The following POU2F1 variants were observed in gnomAD, a reference collection of about 807,000 sequenced individuals.
The protein encoded by POU2F1 is POU class 2 homeobox 1.
A neutral mutation model predicts 84.9 loss-of-function variants in POU2F1; 16 were observed. The observed-to-expected ratio is 0.19, with a 90% CI of 0.13 to 0.29. The LOEUF (loss-of-function observed/expected upper bound fraction) is 0.29. Among genes scored for constraint, POU2F1 ranks in the 10% least tolerant of loss-of-function variants. The pLI, the probability that POU2F1 is intolerant of heterozygous loss-of-function variation, is 1.00. For synonymous variants in POU2F1, 368 were observed against 368.3 expected (o/e 1.00, Z 0.01); for missense variants, 738 against 942.6 (o/e 0.78, Z 2.84).
chr1:167,424,297 A>G lies in POU2F1; in HGVS notation c.*8487A>G, dbSNP rs1244395249. 1 of 152,262 alleles carries G rather than the reference A, an allele frequency of 6.6e-6. No homozygotes were observed. Among genetic ancestry groups the G allele is most frequent in the African/African-American group, 2.4e-5 (1 of 41,468 alleles). The allele number at this position is 152,262 out of a possible 1,614,324, so 9.4% of individuals were successfully genotyped here. A position where few individuals can be genotyped will look rare whatever the true frequency, so the allele number is the denominator to read the frequency against. Reference sequence around the variant, plus strand: ...TGGCTTTTGACAACATAAATGTTGTATCTTCCCTAAGGTCAGGTCGGGGAA... The same window carrying G: ...TGGCTTTTGACAACATAAATGTTGTGTCTTCCCTAAGGTCAGGTCGGGGAA... On this transcript the variant is annotated 3_prime_UTR_variant, in exon 16 of 16. Coordinates refer to ENST00000367866, the MANE Select transcript of POU2F1 (RefSeq NM_002697.4).
At chr1:167,278,487 T>A (rs1652893261) in intron 1 of POU2F1, among the ~76,000 whole-genome samples, 2 of 152,210 alleles carry the variant, frequency 1.3e-5, no homozygotes. Context: ...CTAGGGTATT[T>A]GTCATTTGTC....
Position 167,413,075 on chromosome 1 carries a change from C to T in POU2F1, c.1951C>T (p.Pro651Ser). The change falls in exon 15 of 16, where the codon CCA becomes TCA. Residue 651 changes from proline to serine, a missense_variant. Around this residue, in one of 4 missense-constraint regions of POU2F1, gnomAD observed 319 missense variants for 386.0 expected, o/e 0.83. Transcript: ENST00000367866. ...NPGTLSGALS[P>S]ALMSNSTLAT... Reference sequence around the variant, plus strand: ...AGGGACCCTGAGCGGTGCTCTCAGCCCAGCTCTAATGAGCAACAGTACACT... The same window carrying T: ...AGGGACCCTGAGCGGTGCTCTCAGCTCAGCTCTAATGAGCAACAGTACACT... 6.2e-7 allele frequency: 1 copy of T among 1,614,070 alleles called. No homozygotes were observed. The highest frequency in any genetic ancestry group is 8.5e-7 in the Non-Finnish European group (1 of 1,179,984).
intron 1 of POU2F1, among the ~76,000 whole-genome samples, chr1:167,299,972 G>A (rs6677499): frequency 0.82 from 125,111 of 152,128 alleles, 52,002 homozygotes; most frequent in African/African-American, 0.94. Context: ...CCCTTTAAGA[G>A]TAGCTACTGT....
At chr1:167,409,566 T>C (rs578064985) in intron 13 of POU2F1, among the ~76,000 whole-genome samples, 3 of 152,356 alleles carry the variant, frequency 2.0e-5, no homozygotes, top group South Asian at 2.1e-4. Flanking sequence ...TAAGTTGTTA[T>C]ACCATAATGC....
chr1:167,322,922 G>A (rs1238438929), intron 1 of POU2F1, among the ~76,000 whole-genome samples: 2 of 152,234 alleles, frequency 1.3e-5, no homozygotes, highest in Non-Finnish European at 2.9e-5. Flanking sequence ...TTTCCACACT[G>A]GGTGAGCCAA....
At chr1:167,231,757 A>T (rs1035634264) in intron 1 of POU2F1, among the ~76,000 whole-genome samples, 1 of 152,206 alleles carries the variant, frequency 6.6e-6, no homozygotes, top group Non-Finnish European at 1.5e-5. Context: ...CCAGGAGCAT[A>T]AGGTGGGGAC....
intron 1 of POU2F1, among the ~76,000 whole-genome samples, chr1:167,313,919 T>C (rs1655677886): frequency 1.3e-5 from 2 of 152,120 alleles, no homozygotes; most frequent in Admixed American, 6.5e-5. Flanking sequence ...AAATGAAATT[T>C]TTGGATTTTT....
chr1:167,291,044 GAAAAAA>G (rs56798282), intron 1 of POU2F1, among the ~76,000 whole-genome samples: 5,193 of 117,400 alleles, frequency 0.044, 299 homozygotes, highest in African/African-American at 0.14. Context: ...GACCCTGTCA[GAAAAAA>G]AAAAAAAAAA....
intron 13 of POU2F1, among the ~76,000 whole-genome samples, chr1:167,405,810 C>T (rs537010636): frequency 6.6e-6 from 1 of 152,204 alleles, no homozygotes; most frequent in Non-Finnish European, 1.5e-5. Context: ...TTTTTATGTA[C>T]ACATGGAACA....
At chr1:167,383,793 T>C in intron 7 of POU2F1, 64 bp from the exon 8 acceptor site, 1 of 1,421,636 alleles carries the variant, frequency 7.0e-7, no homozygotes, top group Admixed American at 1.9e-5. Flanking sequence ...TGATTCTTTC[T>C]TTCTTTTGCC....
chr1:167,243,483 A>T (rs891958805), intron 1 of POU2F1, among the ~76,000 whole-genome samples: 10 of 151,410 alleles, frequency 6.6e-5, no homozygotes. Context: ...TTTAATTTTT[A>T]TTTTTTTTTG....
chr1:167,376,291 T>C (rs566175032), intron 7 of POU2F1, 136 bp downstream of exon 7: 2 of 1,138,370 alleles, frequency 1.8e-6, no homozygotes, highest in South Asian at 5.4e-5. Flanking sequence ...ATTATAAACT[T>C]TCGTTTAAAA....
chr1:167,270,626 T>C (rs780062248), intron 1 of POU2F1, among the ~76,000 whole-genome samples: 10 of 152,194 alleles, frequency 6.6e-5, no homozygotes, highest in Admixed American at 1.3e-4. Context: ...TGGTCATACA[T>C]TGGATTGTTT....
At chr1:167,240,349 A>G (rs1047664604) in intron 1 of POU2F1, among the ~76,000 whole-genome samples, 2 of 152,260 alleles carry the variant, frequency 1.3e-5, no homozygotes, top group Non-Finnish European at 2.9e-5. Context: ...TACAAAATGT[A>G]TGCTTTGGTA....
chr1:167,380,591 G>T (rs765510250), intron 7 of POU2F1: 1 of 152,178 alleles, frequency 6.6e-6, no homozygotes, highest in Non-Finnish European at 1.5e-5. Flanking sequence ...ACATTTCTAA[G>T]AATTGAATTC....
intron 1 of POU2F1, among the ~76,000 whole-genome samples, chr1:167,235,265 T>G (rs902412589): frequency 3.9e-5 from 6 of 152,230 alleles, no homozygotes; most frequent in Non-Finnish European, 5.9e-5. Context: ...AGTACTTGCT[T>G]CTTCATGCTC....
intron 2 of POU2F1, among the ~76,000 whole-genome samples, chr1:167,350,642 T>G (rs1383682594): frequency 5.5e-5 from 8 of 144,520 alleles, no homozygotes; most frequent in Non-Finnish European, 1.1e-4. Context: ...CCACTGCACT[T>G]CAGCCTGGGC....
chr1:167,356,807 G>T (rs948459387), intron 2 of POU2F1, among the ~76,000 whole-genome samples: 1 of 152,190 alleles, frequency 6.6e-6, no homozygotes, highest in Non-Finnish European at 1.5e-5. Flanking sequence ...GACTTTATAG[G>T]CTGGCCCCTT....
chr1:167,351,983 A>G (rs186275973), intron 2 of POU2F1, among the ~76,000 whole-genome samples: 25 of 152,338 alleles, frequency 1.6e-4, no homozygotes, highest in African/African-American at 6.0e-4. Context: ...CACCGCAAAA[A>G]TAGATGCACA....
Sources: gnomAD v4.1 joint callset for allele counts (sites outside exome capture counted in the v4.1 genomes callset) on GRCh38, gnomAD v4.1.1 for gene constraint, gnomAD v4.1.1 regional missense constraint, MANE v1.5 for transcripts, NCBI Gene and HGNC (gene_info 2026-07-23, HGNC 2026-07-21) for gene names.